The following KRT79 variants were observed in gnomAD, a reference collection of about 807,000 sequenced individuals.
KRT79 encodes keratin 79.
In KRT79, 51 loss-of-function variants were observed where a neutral mutation model predicts 49.0. The observed-to-expected ratio is 1.04, with a 90% CI of 0.83 to 1.31. The LOEUF (loss-of-function observed/expected upper bound fraction) is 1.31. Among genes scored for constraint, KRT79 ranks in the 40% most tolerant of loss-of-function variants. The pLI is 0.00. For missense variants in KRT79, 728 were observed against 688.0 expected (o/e 1.06, Z -0.65); for synonymous variants, 312 against 286.6 (o/e 1.09, Z -0.90).
chr12:52,826,633 G>A (rs552656832), intron 4 of KRT79, among the ~76,000 whole-genome samples: 2 of 152,226 alleles, frequency 1.3e-5, no homozygotes, highest in South Asian at 2.1e-4. Context: ...CTCTAAGGGG[G>A]AAAGACAGTG....
rs778000385 is a variant in KRT79, at chr12:52,834,018, C to G, written c.243G>C (p.Leu81Phe). ...ISVSVAGGAL[L>F]GRALGGFGFG... The stretch of plus-strand genomic sequence containing the variant: ...AGCCAAAGCCCCCCAGAGCCCGCCC[C>G]AACAAGGCCCCTCCGGCCACACTGA... Residue 81 changes from leucine to phenylalanine, a missense_variant, in exon 1 of 9, where the codon TTG becomes TTC. Leu to Phe is a conservative substitution (Grantham distance 22). Transcript: ENST00000330553. 1.2e-6 allele frequency: 2 copies of G among 1,612,860 alleles called. No homozygotes were observed. The highest frequency in any genetic ancestry group is 1.3e-5 in the African/African-American group (1 of 74,924).
At chr12:52,823,816 C>T in intron 6 of KRT79, 71 bp downstream of exon 6, 1 of 1,536,030 alleles carries the variant, frequency 6.5e-7, no homozygotes, top group Non-Finnish European at 8.8e-7. Flanking sequence ...CAGGCCTAGC[C>T]CCTCGGGGTG....
At chr12:52,829,911 T>C in intron 4 of KRT79, 112 bp downstream of exon 4, 1 of 890,136 alleles carries the variant, frequency 1.1e-6, no homozygotes, top group Non-Finnish European at 1.8e-6. Context: ...GTGTTAAGGT[T>C]TCATCTTCCA....
Position 52,822,939 on chromosome 12 carries a change from C to T in KRT79, c.1367+77G>A, listed in dbSNP as rs552372891. On this transcript the variant is annotated intron_variant, in intron 7 of 8. Transcript: ENST00000330553. ...CTGGTTCCTCTCTCCCTCTCTTGAC[C>T]CCGGAGCAGACTCCCTGGGCTCTCC... 221 of 1,460,478 alleles carry T rather than the reference C, an allele frequency of 1.5e-4. 2 individuals carry two copies. The South Asian group carries it at 2.6e-3, about 17-fold the overall frequency. The allele number at this position is 1,460,478 out of a possible 1,614,324, so 90.5% of individuals were successfully genotyped here. A position where few individuals can be genotyped will look rare whatever the true frequency, so the allele number is the denominator to read the frequency against.
chr12:52,828,820 C>A (rs1310771481), intron 4 of KRT79, among the ~76,000 whole-genome samples: 1 of 152,188 alleles, frequency 6.6e-6, no homozygotes, highest in Non-Finnish European at 1.5e-5. Context: ...ACCCCTCCAT[C>A]TTCTGAATAC....
At chr12:52,829,135 G>A (rs1403974714) in intron 4 of KRT79, among the ~76,000 whole-genome samples, 1 of 152,194 alleles carries the variant, frequency 6.6e-6, no homozygotes, top group Non-Finnish European at 1.5e-5. Flanking sequence ...TGGATGGAAG[G>A]TTGGTCTTGA....
chr12:52,831,186 T>C (rs1312734859), intron 2 of KRT79, among the ~76,000 whole-genome samples: 1 of 152,222 alleles, frequency 6.6e-6, no homozygotes, highest in Non-Finnish European at 1.5e-5. Flanking sequence ...TGGGGTTCAT[T>C]ATACTATTCC....
intron 8 of KRT79, 103 bp from the exon 9 acceptor site, chr12:52,822,180 C>T: frequency 1.5e-6 from 2 of 1,370,214 alleles, no homozygotes; most frequent in Non-Finnish European, 2.1e-6. Context: ...AGCAGCAGAG[C>T]TATGGGAAAT....
At chr12:52,822,312 G>A in intron 8 of KRT79, 33 bp downstream of exon 8, 1 of 1,600,442 alleles carries the variant, frequency 6.2e-7, no homozygotes, top group South Asian at 1.1e-5. Context: ...GCCTGGCCAG[G>A]GGTGGAGCAG....
At chr12:52,822,696 C>CT (rs1940111333) in intron 7 of KRT79, among the ~76,000 whole-genome samples, 1 of 152,180 alleles carries the variant, frequency 6.6e-6, no homozygotes, top group South Asian at 2.1e-4. Context: ...TTTCTGCCCA[C>CT]TTTCTATTTC....
chr12:52,832,086 T>G (rs1403301410), intron 1 of KRT79, among the ~76,000 whole-genome samples: 4 of 152,124 alleles, frequency 2.6e-5, no homozygotes, highest in African/African-American at 9.7e-5. Flanking sequence ...CTAGGCAACA[T>G]AGCAAGACTG....
chr12:52,822,019 G>A lies in KRT79; in HGVS notation c.1461C>T (p.Gly487=). ...CGGGAASFGG[G]ISLGGSGGAT... is the part of the protein sequence containing the mutation. ...CCCCCCCACTCCCACCCAGGGAGAT[G>A]CCACCTCCAAAGCTGGCTGCGCCAC... The change falls in exon 9 of 9, where the codon GGC becomes GGT. Residue 487 remains glycine (G), a synonymous_variant. Transcript: ENST00000330553. The A allele has an allele frequency of 6.2e-7, 1 of 1,613,974 alleles. No individual in the cohort carries two copies. The highest frequency in any genetic ancestry group is 8.5e-7 in the Non-Finnish European group (1 of 1,179,920).
Position 52,823,103 on chromosome 12 carries a change from C to T in KRT79, c.1280G>A (p.Arg427His), listed in dbSNP as rs775879705. 1.9e-5 allele frequency: 30 copies of T among 1,614,076 alleles called. No homozygotes were observed. Among genetic ancestry groups the T allele is most frequent in the South Asian group, 9.9e-5 (9 of 91,086 alleles). The change falls in exon 7 of 9, where the codon CGT becomes CAT. Residue 427 changes from arginine to histidine, a missense_variant. Coordinates refer to ENST00000330553, the MANE Select transcript of KRT79 (RefSeq NM_175834.3). ...QAKEDLTRLL[R>H]DYQELMNVKL... ...GACATTCATCAGCTCCTGGTAGTCA[C>T]GCAGCAGCCGTGTCAGGTCCTCCTT...
At position 52,834,060 on chromosome 12, in the gene KRT79, G is replaced by T; in HGVS notation, c.201C>A (p.Gly67=). The T allele has an allele frequency of 1.2e-6, 2 of 1,613,624 alleles. No individual in the cohort carries two copies. Among genetic ancestry groups the T allele is most frequent in the Non-Finnish European group, 1.7e-6 (2 of 1,179,912 alleles). The change falls in exon 1 of 9, where the codon GGC becomes GGA. Residue 67 remains glycine, a synonymous_variant. Transcript: ENST00000330553. The stretch of plus-strand genomic sequence containing the variant: ...CCACACTGACAGAGATACTCTTGTG[G>T]CCCCCCAAGTTATAGAGGCTTCGGC... The part of the protein sequence containing the change: ...FGSRSLYNLG[G]HKSISVSVAG...
chr12:52,833,386 T>C (rs558661083), intron 1 of KRT79, among the ~76,000 whole-genome samples: 49 of 152,306 alleles, frequency 3.2e-4, no homozygotes, highest in African/African-American at 1.2e-3. Context: ...CTCCTGAGCA[T>C]TGTTTCCCCA....
At chr12:52,822,868 TG>T in intron 7 of KRT79, 147 bp downstream of exon 7, 1 of 718,460 alleles carries the variant, frequency 1.4e-6, no homozygotes, top group Non-Finnish European at 2.3e-6. Context: ...ATGGAGGCAG[TG>T]GGCACAAGCA....
At position 52,823,155 on chromosome 12, in the gene KRT79, C is replaced by A; in HGVS notation, c.1228G>T (p.Asp410Tyr). 1 of 1,614,234 alleles carries A rather than the reference C, an allele frequency of 6.2e-7. No homozygotes were observed. Among genetic ancestry groups the A allele is most frequent in the Non-Finnish European group, 8.5e-7 (1 of 1,180,038 alleles). ...GCCTGGTGCAGGGCCACATCCAGATCCCCAAGCTTCTTCTGAGCATCCTTG... is the reference window on the plus strand; with the variant it reads ...GCCTGGTGCAGGGCCACATCCAGATACCCAAGCTTCTTCTGAGCATCCTTG... Reference protein sequence around the residue: ...ALKDAQKKLGDLDVALHQAKE... With the variant: ...ALKDAQKKLGYLDVALHQAKE... Residue 410 changes from aspartate (D) to tyrosine (Y), a missense_variant, in exon 7 of 9, where the codon GAT becomes TAT. Physicochemically the swap from Asp to Tyr is radical, Grantham distance 160. Transcript: ENST00000330553.
intron 1 of KRT79, among the ~76,000 whole-genome samples, chr12:52,833,220 G>A (rs1369378038): frequency 2.0e-5 from 3 of 152,126 alleles, no homozygotes; most frequent in Non-Finnish European, 4.4e-5. Context: ...TCTTCACTCA[G>A]AGTGTAAAAA....
chr12:52,833,022 T>A (rs1483086305), intron 1 of KRT79, among the ~76,000 whole-genome samples: 1 of 152,214 alleles, frequency 6.6e-6, no homozygotes, highest in Non-Finnish European at 1.5e-5. Context: ...CCCGCTGCCT[T>A]GGCTCAGGAT....
Sources: allele counts gnomAD v4.1 joint callset (sites outside exome capture counted in the v4.1 genomes callset), GRCh38; gene constraint gnomAD v4.1.1; transcripts MANE v1.5; gene names NCBI Gene and HGNC (gene_info 2026-07-23, HGNC 2026-07-21).